The following CNTN3 variants were observed in gnomAD, a reference collection of about 807,000 sequenced individuals.
The protein encoded by CNTN3 is contactin-3.
In CNTN3, 60 loss-of-function variants were observed where a neutral mutation model predicts 119.1. The observed-to-expected ratio is 0.50, with a 90% confidence interval of 0.41 to 0.62. The LOEUF is 0.62. Ranked by LOEUF, CNTN3 falls within the 20% of genes least tolerant of loss-of-function variation. CNTN3 has a pLI of 0.00. For missense variants in CNTN3, 1,101 were observed against 1,242.4 expected, an observed-to-expected ratio of 0.89 and a Z score of 1.71; for synonymous variants, 450 against 438.7, an observed-to-expected ratio of 1.03 and a Z score of -0.32.
Position 74,374,845 on chromosome 3 carries a change from C to T in CNTN3, c.455-3446G>A, listed in dbSNP as rs116391409. Among the ~76,000 whole-genome samples, 832 of 152,202 alleles carry T rather than the reference C, an allele frequency of 5.5e-3. 3 individuals are homozygous for T. The highest frequency in any genetic ancestry group is 9.7e-3 in the Non-Finnish European group (657 of 67,994). Reference sequence around the variant, plus strand: ...TCATTTAGGAATTAGTGTAATCAGGCAAATTAGGAGGTCTATCTCAGAGTG... The same window carrying T: ...TCATTTAGGAATTAGTGTAATCAGGTAAATTAGGAGGTCTATCTCAGAGTG... On this transcript the variant is annotated intron_variant, in intron 5 of 22. Transcript: ENST00000263665.
rs529800339 is a variant in CNTN3 at position 74,317,658 on chromosome 3, T to C, written c.1669-14851A>G. Among the ~76,000 whole-genome samples the C allele has an allele frequency of 7.9e-5, 12 of 152,324 alleles. No homozygotes were observed. In the South Asian group the frequency reaches 2.5e-3, roughly 32 times the overall value. ...AATTCTTTTCTTTAAGAATGTTGAA[T>C]ATTGGCCCCCACTATCTTCTGGCTT... On this transcript the variant is annotated intron_variant, in intron 13 of 22. Transcript: ENST00000263665.
rs182736126 is a variant in CNTN3, at chr3:74,464,775, A to G, written c.358+21681T>C. ...GAAAATCAGTCATTTGTGCTGTTAA[A>G]TTAATTACAATATAAAATAGGTTAA... On this transcript the variant is annotated intron_variant, in intron 4 of 22. Transcript: ENST00000263665. Among the ~76,000 whole-genome samples the G allele has an allele frequency of 3.1e-3, 470 of 152,324 alleles. 5 individuals are homozygous for G. The highest frequency in any genetic ancestry group is 9.6e-3 in the African/African-American group (400 of 41,582).
At chr3:74,588,075 T>C (rs1704628127) in intron 1 of CNTN3, among the ~76,000 whole-genome samples, 1 of 152,186 alleles carries the variant, frequency 6.6e-6, no homozygotes, top group African/African-American at 2.4e-5. Context: ...TCTTTGGTTC[T>C]GTTTATATGC....
chr3:74,511,583 T>C (rs1028854817), intron 2 of CNTN3, among the ~76,000 whole-genome samples: 18 of 152,160 alleles, frequency 1.2e-4, no homozygotes, highest in African/African-American at 4.3e-4. Flanking sequence ...AGCCAGGGGA[T>C]TGCTGGGCCC....
At chr3:74,507,634 T>C (rs1375572092) in intron 2 of CNTN3, among the ~76,000 whole-genome samples, 4 of 96,842 alleles carry the variant, frequency 4.1e-5, no homozygotes, top group Non-Finnish European at 9.3e-5. Flanking sequence ...TTCTTTTTTT[T>C]TTTTTTTTTT....
chr3:74,325,276 G>A (rs74527789), intron 13 of CNTN3, among the ~76,000 whole-genome samples: 1,651 of 152,244 alleles, frequency 0.011, 14 homozygotes, highest in Middle Eastern at 0.02. Context: ...TCTCTAGCTA[G>A]AAATAAAAGG....
chr3:74,349,084 T>C (rs1703758217), intron 11 of CNTN3, among the ~76,000 whole-genome samples: 1 of 148,862 alleles, frequency 6.7e-6, no homozygotes, highest in Non-Finnish European at 1.5e-5. Context: ...AGACCCTGTC[T>C]CTTAAAAAAA....
chr3:74,347,687 TG>T (rs1228041864), intron 11 of CNTN3, among the ~76,000 whole-genome samples: 45 of 152,366 alleles, frequency 3.0e-4, no homozygotes, highest in African/African-American at 9.9e-4. Flanking sequence ...TTATTCACTG[TG>T]GTATCCTCAG....
chr3:74,486,407 T>C, intron 4 of CNTN3, 49 bp downstream of exon 4: 1 of 1,503,218 alleles, frequency 6.7e-7, no homozygotes, highest in South Asian at 1.2e-5. Flanking sequence ...CAAATTAAGT[T>C]ACATATTTTC....
At chr3:74,428,948 G>A (rs980886538) in intron 4 of CNTN3, among the ~76,000 whole-genome samples, 6 of 152,102 alleles carry the variant, frequency 3.9e-5, no homozygotes, top group African/African-American at 1.4e-4. Flanking sequence ...AAAGTGATCT[G>A]CTGTACAGGT....
intron 3 of CNTN3, among the ~76,000 whole-genome samples, chr3:74,492,336 C>T (rs759982161): frequency 2.0e-5 from 3 of 152,040 alleles, no homozygotes; most frequent in African/African-American, 7.2e-5. Context: ...AATTAGAAGT[C>T]CTGGGTTACT....
At chr3:74,365,201 C>T (rs1341639669) in intron 9 of CNTN3, among the ~76,000 whole-genome samples, 1 of 152,112 alleles carries the variant, frequency 6.6e-6, no homozygotes, top group African/African-American at 2.4e-5. Flanking sequence ...GTAATAGATA[C>T]ATTCATTCCC....
In CNTN3 at chr3:74,352,985, G is replaced by C. The variant is rs187090309; in HGVS notation, c.1364+8905C>G. Among the ~76,000 whole-genome samples the C allele has an allele frequency of 3.4e-4, 52 of 152,220 alleles. No individual in the cohort carries two copies. In the East Asian group the frequency reaches 3.7e-3, roughly 11 times the overall value. On this transcript the variant is annotated intron_variant, in intron 11 of 22. Coordinates refer to ENST00000263665, the MANE Select transcript of CNTN3 (RefSeq NM_020872.3). Reference sequence around the variant, plus strand: ...ATAAAGTCAAGCTTTTTGGATGAAGGGGGCAGTGGAAGGCTGAGAGAGATG... The same window carrying C: ...ATAAAGTCAAGCTTTTTGGATGAAGCGGGCAGTGGAAGGCTGAGAGAGATG...
At chr3:74,461,995 G>C (rs1051552069) in intron 4 of CNTN3, among the ~76,000 whole-genome samples, 1 of 152,080 alleles carries the variant, frequency 6.6e-6, no homozygotes, top group African/African-American at 2.4e-5. Flanking sequence ...GGGGCCTGGT[G>C]GGAGTTGACT....
intron 5 of CNTN3, among the ~76,000 whole-genome samples, chr3:74,396,671 G>T (rs184187954): frequency 6.6e-6 from 1 of 151,126 alleles, no homozygotes; most frequent in Admixed American, 6.6e-5. Flanking sequence ...GCGAGAACCC[G>T]GGAGGCGGAG....
intron 4 of CNTN3, among the ~76,000 whole-genome samples, chr3:74,469,050 G>C (rs1369297286): frequency 6.6e-6 from 1 of 152,132 alleles, no homozygotes; most frequent in Non-Finnish European, 1.5e-5. Flanking sequence ...GCTCTCAGTT[G>C]TTTCACAATC....
chr3:74,586,423 T>C (rs1311011346), intron 1 of CNTN3, among the ~76,000 whole-genome samples: 1 of 152,152 alleles, frequency 6.6e-6, no homozygotes, highest in Non-Finnish European at 1.5e-5. Flanking sequence ...GCCTTCTCTG[T>C]CTTTTAACCT....
chr3:74,555,109 G>GTTTTTTTTTTTTTTTTTTTTTTTT (rs1416229556), intron 1 of CNTN3, among the ~76,000 whole-genome samples: 2 of 152,170 alleles, frequency 1.3e-5, no homozygotes, highest in Non-Finnish European at 2.9e-5. Flanking sequence ...TTTATTGAGA[G>GTTTTTTTTTTTTTTTTTTTTTTTT]TTTTTAGCAA....
intron 5 of CNTN3, among the ~76,000 whole-genome samples, chr3:74,394,204 G>T (rs1226062757): frequency 6.6e-6 from 1 of 152,014 alleles, no homozygotes; most frequent in Non-Finnish European, 1.5e-5. Context: ...TGTTTATTAA[G>T]GTGAAAACTC....
Sources: gnomAD v4.1 joint callset for allele counts (sites outside exome capture counted in the v4.1 genomes callset) on GRCh38, gnomAD v4.1.1 for gene constraint, MANE v1.5 for transcripts, NCBI Gene and HGNC (gene_info 2026-07-23, HGNC 2026-07-21) for gene names.